The following WWTR1 variants were observed in gnomAD, a reference collection of about 807,000 sequenced individuals.
WWTR1 encodes WW domain containing transcription regulator 1.
A neutral mutation model predicts 40.1 loss-of-function variants in WWTR1; 13 were observed. The observed-to-expected ratio is 0.32, with a 90% CI of 0.21 to 0.52. The LOEUF (loss-of-function observed/expected upper bound fraction) is 0.52, where lower values mean the gene tolerates loss of function less well. WWTR1 is among the 20% of genes least tolerant of loss of function. The pLI is 0.97. For missense variants in WWTR1, 436 were observed against 523.1 expected (o/e 0.83, Z 1.63); for synonymous variants, 230 against 210.1 (o/e 1.09, Z -0.82).
intron 1 of WWTR1, among the ~76,000 whole-genome samples, chr3:149,693,816 T>C (rs1714896239): frequency 6.6e-6 from 1 of 152,232 alleles, no homozygotes; most frequent in Non-Finnish European, 1.5e-5. Flanking sequence ...ACTAGATTAC[T>C]ATCTCTTGAT....
chr3:149,630,767 G>A (rs958611541), intron 2 of WWTR1, among the ~76,000 whole-genome samples: 1 of 152,204 alleles, frequency 6.6e-6, no homozygotes, highest in Non-Finnish European at 1.5e-5. Flanking sequence ...GGATCATGGT[G>A]TAGACCAAGA....
chr3:149,628,964 G>A (rs965636503), intron 2 of WWTR1, among the ~76,000 whole-genome samples: 1 of 151,760 alleles, frequency 6.6e-6, no homozygotes, highest in East Asian at 1.9e-4. Flanking sequence ...GTAGAGATGG[G>A]TCTCCCTATG....
intron 3 of WWTR1, among the ~76,000 whole-genome samples, chr3:149,545,209 G>T (rs1434339715): frequency 6.6e-6 from 1 of 152,128 alleles, no homozygotes; most frequent in East Asian, 1.9e-4. Context: ...TTGCACAGAT[G>T]GTGTCGCAGG....
At chr3:149,694,679 G>C (rs899856705) in intron 1 of WWTR1, among the ~76,000 whole-genome samples, 2 of 152,180 alleles carry the variant, frequency 1.3e-5, no homozygotes, top group African/African-American at 4.8e-5. Flanking sequence ...ATAATGCAAG[G>C]ATGCAGAGAA....
At chr3:149,712,988 C>T (rs1451217822) in intron 5 of WWTR1, among the ~76,000 whole-genome samples, 1 of 152,174 alleles carries the variant, frequency 6.6e-6, no homozygotes, top group Admixed American at 6.5e-5. Context: ...GTGTCTGATG[C>T]TCAAGGCTAC....
intron 3 of WWTR1, among the ~76,000 whole-genome samples, chr3:149,570,687 A>G (rs996243589): frequency 2.0e-5 from 3 of 152,142 alleles, no homozygotes; most frequent in Non-Finnish European, 4.4e-5. Context: ...TGTTCAGATT[A>G]CAACTTCTTT....
At chr3:149,535,526 C>A (rs183903934) in intron 4 of WWTR1, among the ~76,000 whole-genome samples, 1 of 152,078 alleles carries the variant, frequency 6.6e-6, no homozygotes, top group African/African-American at 2.4e-5. Flanking sequence ...AAAGAACAAT[C>A]GAAACTGCGA....
In WWTR1 at chr3:149,530,928, G is replaced by A. The variant is rs148876691; in HGVS notation, c.772-2959C>T. ...ATCAGAAAGGGTGTTGAATGTACCC[G>A]GAATGATTGCTTTTTTTTTTTTTTG... On this transcript the variant is annotated intron_variant, in intron 4 of 6. Transcript: ENST00000360632. Among the ~76,000 whole-genome samples the A allele has an allele frequency of 4.0e-5, 6 of 151,792 alleles. No individual in the cohort carries two copies. In the East Asian group the frequency reaches 9.7e-4, roughly 25 times the overall value.
chr3:149,623,095 C>T (rs1689644368), intron 2 of WWTR1, among the ~76,000 whole-genome samples: 1 of 152,132 alleles, frequency 6.6e-6, no homozygotes, highest in South Asian at 2.1e-4. Context: ...GGCACGGTGG[C>T]TTATGCCTGT....
At chr3:149,582,042 G>A (rs1401490448) in intron 2 of WWTR1, among the ~76,000 whole-genome samples, 4 of 152,132 alleles carry the variant, frequency 2.6e-5, no homozygotes, top group Non-Finnish European at 5.9e-5. Context: ...GTGGCACTGT[G>A]AAGTGCCACT....
Position 149,542,393 on chromosome 3 carries a change from T to G in WWTR1, c.713A>C (p.Gln238Pro). ...CCTTTCTCTCTCCATCTGGATTCTC[T>G]GAAGCCGCAGTTTCTGCTGCTGCTG... ...QQQQQQKLRL[Q>P]RIQMERERIR... is the part of the protein sequence containing the mutation. The change falls in exon 4 of 7, where the codon CAG becomes CCG. Residue 238 changes from glutamine (Q) to proline (P), a missense_variant. Physicochemically the swap from Gln to Pro is moderately conservative, Grantham distance 76 (BLOSUM62 -1). Transcript: ENST00000360632. 1 of 1,614,148 alleles carries G rather than the reference T, an allele frequency of 6.2e-7. No homozygotes were observed. The highest frequency in any genetic ancestry group is 8.5e-7 in the Non-Finnish European group (1 of 1,179,990).
intron 3 of WWTR1, among the ~76,000 whole-genome samples, chr3:149,546,008 C>T (rs907125769): frequency 1.3e-5 from 2 of 152,188 alleles, no homozygotes; most frequent in African/African-American, 4.8e-5. Context: ...CACATAGCAA[C>T]CAGATATTGC....
chr3:149,712,353 A>T (rs1364626206), intron 5 of WWTR1, among the ~76,000 whole-genome samples: 1 of 152,168 alleles, frequency 6.6e-6, no homozygotes, highest in African/African-American at 2.4e-5. Context: ...AATTATTGGG[A>T]ACTAAAGGGA....
rs549376250 is a variant in WWTR1 at position 149,646,458 on chromosome 3, A to G, written c.431+10418T>C. Reference sequence around the variant, plus strand: ...TGCCATTTTGCCATAAAGTTTCTAAATACTCTCAACTTCTCTATCTAGCTC... The same window carrying G: ...TGCCATTTTGCCATAAAGTTTCTAAGTACTCTCAACTTCTCTATCTAGCTC... On this transcript the variant is annotated intron_variant, in intron 2 of 6. Coordinates refer to ENST00000360632, the MANE Select transcript of WWTR1 (RefSeq NM_015472.6). Among the ~76,000 whole-genome samples, 40 of 152,328 alleles carry G rather than the reference A, an allele frequency of 2.6e-4. No homozygotes were observed. In the South Asian group the frequency reaches 8.3e-3, roughly 32 times the overall value.
intron 4 of WWTR1, among the ~76,000 whole-genome samples, chr3:149,723,759 T>C (rs73001948): frequency 0.02 from 3,103 of 152,274 alleles, 41 homozygotes; most frequent in East Asian, 0.063. Flanking sequence ...CATCCAGAGA[T>C]GGAGGGACTC....
At chr3:149,655,936 C>G in intron 2 of WWTR1, among the ~76,000 whole-genome samples, 1 of 152,182 alleles carries the variant, frequency 6.6e-6, no homozygotes, top group Non-Finnish European at 1.5e-5. Flanking sequence ...AGGAGTTTCC[C>G]TCACTGGCAG....
At chr3:149,646,621 G>A (rs1452713311) in intron 2 of WWTR1, among the ~76,000 whole-genome samples, 1 of 152,136 alleles carries the variant, frequency 6.6e-6, no homozygotes. Context: ...ACTCTAACTG[G>A]TTATTGAATT....
At chr3:149,539,926 T>C (rs952361088) in intron 4 of WWTR1, among the ~76,000 whole-genome samples, 1 of 152,010 alleles carries the variant, frequency 6.6e-6, no homozygotes, top group Non-Finnish European at 1.5e-5. Context: ...TTAAATCATA[T>C]CTTTGACAAT....
intron 3 of WWTR1, among the ~76,000 whole-genome samples, chr3:149,543,229 AT>A (rs949406060): frequency 1.3e-5 from 2 of 152,208 alleles, no homozygotes; most frequent in Non-Finnish European, 2.9e-5. Context: ...AATATTTTCA[AT>A]TTTTTTAAAA....
Sources: gnomAD v4.1 joint callset for allele counts (sites outside exome capture counted in the v4.1 genomes callset) on GRCh38, gnomAD v4.1.1 for gene constraint, MANE v1.5 for transcripts, NCBI Gene and HGNC (gene_info 2026-07-23, HGNC 2026-07-21) for gene names.